EEF1AKMT1: variants seen among roughly 807,000 people sequenced by gnomAD.
The protein encoded by EEF1AKMT1 is EEF1A lysine methyltransferase 1.
A neutral mutation model predicts 21.0 loss-of-function variants in EEF1AKMT1; 18 were observed. That is an observed-to-expected ratio of 0.86 (90% CI 0.59 to 1.27). The LOEUF is 1.27. Among genes scored for constraint, EEF1AKMT1 ranks in the 50% most tolerant of loss-of-function variants. EEF1AKMT1 has a pLI of 0.00. For synonymous variants in EEF1AKMT1, 109 were observed against 94.8 expected (o/e 1.15, Z -0.87); for missense variants, 246 against 258.6 (o/e 0.95, Z 0.33).
chr13:20,771,988 A>G (rs911433042), intron 1 of EEF1AKMT1, among the ~76,000 whole-genome samples: 10 of 150,118 alleles, frequency 6.7e-5, no homozygotes, highest in Admixed American at 2.0e-4. Context: ...TCCAGCCTGA[A>G]TGACAGGAGT....
rs766186030 is a variant in EEF1AKMT1 at position 20,729,090 on chromosome 13, C to T, written c.635G>A (p.Cys212Tyr). 6.2e-7 allele frequency: 1 copy of T among 1,614,210 alleles called. No homozygotes were observed. The highest frequency in any genetic ancestry group is 1.7e-5 in the Admixed American group (1 of 60,024). Residue 212 changes from cysteine to tyrosine, a missense_variant, in exon 5 of 5, where the codon TGT becomes TAT. By Grantham distance (194) the Cys-to-Tyr change is radical. Coordinates refer to ENST00000382758, the MANE Select transcript of EEF1AKMT1 (RefSeq NM_001318939.2). ...TGTCACCGTCTGTAATCAGATCCCA[C>T]AGTCCAGCCCAGAATCATAATTCAC... ...CYVNYDSGLD[C>Y]GI
At chr13:20,739,165 G>A (rs574345804) in intron 2 of EEF1AKMT1, among the ~76,000 whole-genome samples, 40 of 151,542 alleles carry the variant, frequency 2.6e-4, no homozygotes, top group Admixed American at 2.6e-4. Context: ...CCTCCCATCC[G>A]AAGTTGTTCT....
chr13:20,748,856 A>C (rs1403507579), intron 2 of EEF1AKMT1, among the ~76,000 whole-genome samples: 1 of 149,194 alleles, frequency 6.7e-6, no homozygotes, highest in Non-Finnish European at 1.5e-5. Flanking sequence ...CAGGCTCCCA[A>C]GTAGCTGGGA....
intron 2 of EEF1AKMT1, among the ~76,000 whole-genome samples, chr13:20,753,945 A>G (rs2058957296): frequency 6.6e-6 from 1 of 152,050 alleles, no homozygotes; most frequent in African/African-American, 2.4e-5. Context: ...TTGATATGTG[A>G]GGGCTTATTC....
At chr13:20,770,294 G>C (rs1200117995) in intron 1 of EEF1AKMT1, among the ~76,000 whole-genome samples, 1 of 152,058 alleles carries the variant, frequency 6.6e-6, no homozygotes, top group Non-Finnish European at 1.5e-5. Context: ...GTGGTTGCTA[G>C]GGGCTGGGGG....
chr13:20,754,462 A>G (rs1489158728), intron 2 of EEF1AKMT1, among the ~76,000 whole-genome samples: 1 of 152,048 alleles, frequency 6.6e-6, no homozygotes, highest in Non-Finnish European at 1.5e-5. Flanking sequence ...TGGCATGAAG[A>G]ATGCTTTTTT....
intron 1 of EEF1AKMT1, among the ~76,000 whole-genome samples, chr13:20,770,419 G>A (rs985463931): frequency 2.0e-5 from 3 of 152,016 alleles, no homozygotes; most frequent in Non-Finnish European, 2.9e-5. Flanking sequence ...CAGTCAACAC[G>A]GGGTTGTCTA....
chr13:20,748,715 G>GGTTTGTTTTTTTTTTTT (rs1555326495), intron 2 of EEF1AKMT1, among the ~76,000 whole-genome samples: 4 of 105,848 alleles, frequency 3.8e-5, no homozygotes, highest in African/African-American at 1.1e-4. Flanking sequence ...ATGTATAGTT[G>GGTTTGTTTTTTTTTTTT]TTTTTTTTTG....
intron 3 of EEF1AKMT1, among the ~76,000 whole-genome samples, 156 bp downstream of exon 3, chr13:20,737,567 T>C (rs2058833410): frequency 6.6e-6 from 1 of 152,204 alleles, no homozygotes. Flanking sequence ...GTCTCTAAAC[T>C]CAGTGTTGAA....
At chr13:20,766,539 T>C (rs929897887) in intron 1 of EEF1AKMT1, among the ~76,000 whole-genome samples, 1 of 151,798 alleles carries the variant, frequency 6.6e-6, no homozygotes, top group African/African-American at 2.4e-5. Context: ...TTATGGTACA[T>C]GGCTGGGTGC....
intron 1 of EEF1AKMT1, among the ~76,000 whole-genome samples, chr13:20,763,487 T>C (rs999653584): frequency 1.3e-5 from 2 of 151,956 alleles, no homozygotes; most frequent in Admixed American, 1.3e-4. Context: ...AATTTTGCTA[T>C]TGTCGCCCAG....
At chr13:20,767,320 A>T (rs906244940) in intron 1 of EEF1AKMT1, among the ~76,000 whole-genome samples, 35 of 150,480 alleles carry the variant, frequency 2.3e-4, no homozygotes, top group Non-Finnish European at 3.2e-4. Context: ...AAAAAAAAAA[A>T]AAAAAAAAAA....
At chr13:20,771,094 ACTC>A (rs1323220620) in intron 1 of EEF1AKMT1, among the ~76,000 whole-genome samples, 2 of 151,950 alleles carry the variant, frequency 1.3e-5, no homozygotes, top group Non-Finnish European at 2.9e-5. Context: ...CTGGTCCTGA[ACTC>A]CTCGATTCAA....
intron 2 of EEF1AKMT1, among the ~76,000 whole-genome samples, chr13:20,750,633 G>A (rs921674950): frequency 6.6e-6 from 1 of 152,100 alleles, no homozygotes; most frequent in African/African-American, 2.4e-5. Flanking sequence ...ATTGTGAATA[G>A]TGCTGCAAGA....
chr13:20,754,648 C>A (rs1422731087), intron 2 of EEF1AKMT1, among the ~76,000 whole-genome samples: 1 of 151,580 alleles, frequency 6.6e-6, no homozygotes, highest in East Asian at 1.9e-4. Flanking sequence ...GTAGCTCCTG[C>A]CTGTAATCCC....
intron 1 of EEF1AKMT1, chr13:20,768,954 ACT>A (rs2059049875): frequency 6.6e-6 from 1 of 151,898 alleles, no homozygotes; most frequent in Non-Finnish European, 1.5e-5. Context: ...GCCACGTGAA[ACT>A]CTGTCACAAG....
chr13:20,741,768 A>G (rs1405897038), intron 2 of EEF1AKMT1, among the ~76,000 whole-genome samples: 1 of 152,110 alleles, frequency 6.6e-6, no homozygotes, highest in East Asian at 1.9e-4. Flanking sequence ...ATTACTTTTT[A>G]AAAACATCTT....
At chr13:20,756,042 G>A (rs2058969746) in intron 2 of EEF1AKMT1, among the ~76,000 whole-genome samples, 1 of 152,148 alleles carries the variant, frequency 6.6e-6, no homozygotes, top group Admixed American at 6.5e-5. Context: ...AGTGGAACAT[G>A]TGGAATAAAT....
intron 1 of EEF1AKMT1, among the ~76,000 whole-genome samples, chr13:20,763,171 A>G (rs1395181526): frequency 6.6e-6 from 1 of 152,150 alleles, no homozygotes; most frequent in Non-Finnish European, 1.5e-5. Flanking sequence ...TAAACTAGAA[A>G]TGTCTCCTCT....
Sources: allele counts gnomAD v4.1 joint callset (sites outside exome capture counted in the v4.1 genomes callset), GRCh38; gene constraint gnomAD v4.1.1; transcripts MANE v1.5; gene names NCBI Gene and HGNC (gene_info 2026-07-23, HGNC 2026-07-21).